REC8: variants seen among roughly 807,000 people sequenced by gnomAD.
REC8 encodes meiotic recombination protein REC8 homolog.
REC8 carries 42 observed loss-of-function variants against 78.3 expected under a neutral mutation model. The ratio of observed to expected loss-of-function variants is 0.54; its 90% CI spans 0.42 to 0.69. REC8 has a LOEUF of 0.69. Among genes scored for constraint, REC8 ranks in the 30% least tolerant of loss-of-function variants. The pLI, the probability that REC8 is intolerant of heterozygous loss-of-function variation, is 0.00. For missense variants in REC8, 581 were observed against 715.8 expected (o/e 0.81, Z 2.15); for synonymous variants, 268 against 274.1 (o/e 0.98, Z 0.22).
chr14:24,172,808 C>A (rs1645822570), intron 2 of REC8, 27 bp downstream of exon 2: 2 of 1,613,948 alleles, frequency 1.2e-6, no homozygotes, highest in Non-Finnish European at 1.7e-6. Context: ...GGAAGGAGGG[C>A]CTGGTGCGGG....
At chr14:24,174,618 T>A (rs953523744) in intron 5 of REC8, among the ~76,000 whole-genome samples, 1 of 152,162 alleles carries the variant, frequency 6.6e-6, no homozygotes, top group South Asian at 2.1e-4. Context: ...GACTTCTCTC[T>A]CAGTCCTCTG....
In REC8 at chr14:24,179,883, C is replaced by T. The variant is rs750544471; in HGVS notation, c.1535C>T (p.Ala512Val). The change falls in exon 18 of 19, where the codon GCC (alanine) becomes GTC (valine). Residue 512 changes from alanine to valine, a missense_variant. Transcript: ENST00000611366. ...CCTCTCAGCCCCCGCAGGATGGCTGCCCGGGTCTTCTACCTGCTCCTGGGT... is the reference window on the plus strand; with the variant it reads ...CCTCTCAGCCCCCGCAGGATGGCTGTCCGGGTCTTCTACCTGCTCCTGGGT... ...VSPLSPRRMA[A>V]RVFYLLLVLS... 1.9e-6 allele frequency: 3 copies of T among 1,613,966 alleles called. No individual in the cohort carries two copies. The highest frequency in any genetic ancestry group is 8.5e-7 in the Non-Finnish European group (1 of 1,179,936).
chr14:24,180,102 A>G lies in REC8; in HGVS notation c.*7A>G. ...GGGGCCCAGATTCCACTGAGGTTAG[A>G]GTCCATTTACAAAGCTGCCAGGAAA... On this transcript the variant is annotated 3_prime_UTR_variant, in exon 19 of 19. Coordinates refer to ENST00000611366, the MANE Select transcript of REC8 (RefSeq NM_001048205.2). 1 of 1,614,116 alleles carries G rather than the reference A, an allele frequency of 6.2e-7. No homozygotes were observed. Among genetic ancestry groups the G allele is most frequent in the South Asian group, 1.1e-5 (1 of 91,082 alleles).
At chr14:24,174,819 G>A (rs937015507) in intron 5 of REC8, among the ~76,000 whole-genome samples, 2 of 151,946 alleles carry the variant, frequency 1.3e-5, no homozygotes, top group South Asian at 2.1e-4. Context: ...AGTCTTAGCC[G>A]GAACCAAATG....
rs1481584284 is a variant in REC8 at position 24,173,158 on chromosome 14, C to G, written c.301C>G (p.Arg101Gly). The change falls in exon 4 of 19, where the codon CGT (arginine) becomes GGT (glycine). Residue 101 changes from arginine (R) to glycine (G), a missense_variant. By Grantham distance (125) the Arg-to-Gly change is moderately radical (BLOSUM62 -2). Transcript: ENST00000611366. ...DIQHILERLH[R>G]AQLQIRIDME... ...CCAGCACATCTTGGAGCGCCTCCAC[C>G]GTGCCCAGCTGCAGATCCGAATAGA... 6.2e-7 allele frequency: 1 copy of G among 1,614,044 alleles called. No individual in the cohort carries two copies. The highest frequency in any genetic ancestry group is 1.3e-5 in the African/African-American group (1 of 74,930).
intron 6 of REC8, 44 bp downstream of exon 6, chr14:24,175,668 C>T (rs775704232): frequency 2.7e-6 from 4 of 1,486,872 alleles, no homozygotes; most frequent in Middle Eastern, 1.8e-4. Flanking sequence ...CATAGGCAGG[C>T]CCAAGAGCTG....
rs1256911774 is a variant in REC8, at chr14:24,179,896, C to A, written c.1548C>A (p.Tyr516Ter). The A allele has an allele frequency of 1.2e-6, 2 of 1,613,886 alleles. No homozygotes were observed. Among genetic ancestry groups the A allele is most frequent in the African/African-American group, 2.7e-5 (2 of 74,940 alleles). ...SPRRMAARVFYLLLVLSAQQI... is the reference protein window; with the variant it reads ...SPRRMAARVF ...GCAGGATGGCTGCCCGGGTCTTCTA[C>A]CTGCTCCTGGGTGAGTGTATGCATG... is the stretch of plus-strand genomic sequence containing the variant. The change falls in exon 18 of 19, where the codon TAC becomes TAA. Residue 516 changes from tyrosine (Y) to a stop codon, truncating the protein, a stop_gained. Coordinates refer to ENST00000611366, the MANE Select transcript of REC8 (RefSeq NM_001048205.2). LOFTEE classifies it high-confidence loss of function.
intron 10 of REC8, 69 bp from the exon 11 acceptor site, chr14:24,177,638 GCA>G (rs1422009513): frequency 2.5e-6 from 4 of 1,576,602 alleles, no homozygotes; most frequent in Non-Finnish European, 3.4e-6. Context: ...GGAGGACCCT[GCA>G]GTTTCTTGCC....
At chr14:24,180,853 G>A (rs140646996), downstream of REC8, 3 of 989,336 alleles carry the variant, frequency 3.0e-6, no homozygotes, top group Non-Finnish European at 4.5e-6. Flanking sequence ...CTCTTATCAG[G>A]GGGGTGGTTG....
chr14:24,179,103 G>T lies in REC8; in HGVS notation c.1222G>T (p.Glu408Ter). 1 of 1,590,138 alleles carries T rather than the reference G, an allele frequency of 6.3e-7. No individual in the cohort carries two copies. Among genetic ancestry groups the T allele is most frequent in the South Asian group, 1.1e-5 (1 of 88,922 alleles). ...TCCCCAGGTCCCGAGGGAGGCCCTG[G>T]AGCCCAGTGTTCCCCTTATGGTGTC... ...SEIEVPREAL[E>*]PSVPLMVSLE... Residue 408 changes from glutamate to a stop codon, truncating the protein, a stop_gained, in exon 15 of 19, where the codon GAG becomes TAG. Coordinates refer to ENST00000611366, the MANE Select transcript of REC8 (RefSeq NM_001048205.2). LOFTEE classifies it high-confidence loss of function.
Position 24,173,149 on chromosome 14 carries a change from C to T in REC8, c.292C>T (p.Arg98Cys), listed in dbSNP as rs761142959. The T allele has an allele frequency of 1.2e-6, 2 of 1,613,948 alleles. No individual in the cohort carries two copies. Among genetic ancestry groups the T allele is most frequent in the Non-Finnish European group, 8.5e-7 (1 of 1,180,040 alleles). ...LVEDIQHILE[R>C]LHRAQLQIRI... is the part of the protein sequence containing the mutation. ...AGAGGACATCCAGCACATCTTGGAGCGCCTCCACCGTGCCCAGCTGCAGAT... is the reference window on the plus strand; with the variant it reads ...AGAGGACATCCAGCACATCTTGGAGTGCCTCCACCGTGCCCAGCTGCAGAT... The change falls in exon 4 of 19, where the codon CGC becomes TGC. Residue 98 changes from arginine (R) to cysteine (C), a missense_variant. Physicochemically the swap from Arg to Cys is radical, Grantham distance 180. Coordinates refer to ENST00000611366, the MANE Select transcript of REC8 (RefSeq NM_001048205.2).
In REC8 at chr14:24,178,577, G is replaced by C. The variant is rs201516896; in HGVS notation, c.997-29G>C. On this transcript the variant is annotated intron_variant, in intron 12 of 18. Transcript: ENST00000611366. ...CCCTGAGGAGTGGCTGCTTTATAAT[G>C]GGGCTTCTGACCTTCCCCCACTACA... The C allele has an allele frequency of 3.7e-6, 6 of 1,610,138 alleles. No homozygotes were observed. The African/African-American group carries it at 6.7e-5, about 18-fold the overall frequency.
chr14:24,180,852 G>A (rs1465882961), downstream of REC8: 4 of 1,012,106 alleles, frequency 4.0e-6, no homozygotes, highest in South Asian at 4.6e-5. Flanking sequence ...TCTCTTATCA[G>A]GGGGGTGGTT....
In REC8 at chr14:24,172,343, TCTC is replaced by T. The variant is rs1223708892; in HGVS notation, c.-207_-205del. The stretch of plus-strand genomic sequence containing the variant: ...GAGGGTCCACAGAGAGGGGCGCCCA[TCTC>T]CTGCGTCTCAGTTATCCTGGTAATT... On this transcript the variant is annotated 5_prime_UTR_variant, in exon 1 of 19. Coordinates refer to ENST00000611366, the MANE Select transcript of REC8 (RefSeq NM_001048205.2). 2 of 571,850 alleles carry T rather than the reference TCTC, an allele frequency of 3.5e-6. No homozygotes were observed. The highest frequency in any genetic ancestry group is 2.9e-5 in the East Asian group (1 of 34,394). 35.4% of individuals were successfully genotyped at this position (571,850 alleles called of 1,614,324 possible).
intron 8 of REC8, 57 bp downstream of exon 8, chr14:24,177,279 G>A (rs908503246): frequency 1.9e-6 from 3 of 1,612,996 alleles, no homozygotes; most frequent in Non-Finnish European, 2.5e-6. Flanking sequence ...GACCCCTGGC[G>A]TGGGCATTCT....
chr14:24,178,300 A>C, intron 12 of REC8, 78 bp downstream of exon 12: 1 of 1,314,280 alleles, frequency 7.6e-7, no homozygotes, highest in Non-Finnish European at 1.1e-6. Flanking sequence ...GAGCCTTCCA[A>C]ACTCCTCAGG....
intron 15 of REC8, 84 bp downstream of exon 15, chr14:24,179,217 T>A: frequency 7.6e-7 from 1 of 1,324,410 alleles, no homozygotes; most frequent in Non-Finnish European, 1.1e-6. Flanking sequence ...TGAAGCTGTT[T>A]TATGAGTGAA....
Position 24,180,011 on chromosome 14 carries a change from GCT to G in REC8, c.1564_1565del (p.Gln524ThrfsTer?), listed in dbSNP as rs756176491. ...AARVFYLLLV[L>X]SAQQILHVKQ... ...GCCCTCTCCTCGCCTCTTGACCAGT[GCT>G]CTCAGCGCAACAGATTCTTCACGTG... On this transcript the variant is annotated frameshift_variant and splice_region_variant, in exon 19 of 19. Coordinates refer to ENST00000611366, the MANE Select transcript of REC8 (RefSeq NM_001048205.2). LOFTEE classifies it high-confidence loss of function. 2.5e-6 allele frequency: 4 copies of G among 1,613,972 alleles called. No homozygotes were observed. In the African/African-American group the frequency reaches 5.3e-5, roughly 22 times the overall value.
At chr14:24,179,159 T>G (rs569580296) in intron 15 of REC8, 26 bp downstream of exon 15, 2 of 1,549,266 alleles carry the variant, frequency 1.3e-6, no homozygotes, top group South Asian at 2.3e-5. Flanking sequence ...AGAGGCGCAG[T>G]GGGACCACAC....
Sources: allele counts gnomAD v4.1 joint callset (sites outside exome capture counted in the v4.1 genomes callset), GRCh38; gene constraint gnomAD v4.1.1; transcripts MANE v1.5; gene names NCBI Gene and HGNC (gene_info 2026-07-23, HGNC 2026-07-21).